The following TOP3A variants were observed in gnomAD, a reference collection of about 807,000 sequenced individuals.
TOP3A encodes DNA topoisomerase 3-alpha.
A neutral mutation model predicts 111.3 loss-of-function variants in TOP3A; 64 were observed. The observed-to-expected ratio is 0.57, with a 90% confidence interval of 0.47 to 0.71. The LOEUF (loss-of-function observed/expected upper bound fraction) is 0.71, where lower values mean the gene tolerates loss of function less well. TOP3A is among the 30% of genes least tolerant of loss of function. The probability of loss-of-function intolerance (pLI) is 0.00; values close to 1 mark genes in which losing one functional copy is unlikely to be tolerated. For synonymous variants in TOP3A, 484 were observed against 485.1 expected (o/e 1.00, Z 0.03); for missense variants, 1,104 against 1,285.0 (o/e 0.86, Z 2.15).
intron 18 of TOP3A, among the ~76,000 whole-genome samples, chr17:18,275,293 C>CAAAAAAAAA (rs538677203): frequency 1.6e-5 from 1 of 60,738 alleles, no homozygotes; most frequent in African/African-American, 6.1e-5. Context: ...GACCCTGTCT[C>CAAAAAAAAA]AAAAAAAAAA....
intron 9 of TOP3A, among the ~76,000 whole-genome samples, chr17:18,298,430 G>A (rs1309512122): frequency 2.1e-5 from 3 of 142,228 alleles, no homozygotes; most frequent in African/African-American, 5.5e-5. Context: ...GGAGGGAGGT[G>A]GGGGGGTCAG....
intron 9 of TOP3A, among the ~76,000 whole-genome samples, chr17:18,298,643 C>T (rs1251344088): frequency 2.0e-5 from 3 of 151,948 alleles, no homozygotes; most frequent in South Asian, 2.1e-4. Context: ...ATTGAGAAAT[C>T]GGATGGTTGC....
intron 8 of TOP3A, among the ~76,000 whole-genome samples, chr17:18,300,803 T>A (rs1182788806): frequency 1.3e-5 from 2 of 152,120 alleles, no homozygotes; most frequent in African/African-American, 2.4e-5. Context: ...TTGTACAGTG[T>A]CACAGAGACT....
intron 1 of TOP3A, among the ~76,000 whole-genome samples, chr17:18,314,107 CTG>C (rs72086371): frequency 0.026 from 3,924 of 152,252 alleles, 164 homozygotes; most frequent in African/African-American, 0.084. Context: ...TAAGTGTGCA[CTG>C]TGAGGCTGGA....
rs761829996 is a variant in TOP3A, at chr17:18,302,454, G to A, written c.644-20C>T. On this transcript the variant is annotated intron_variant, in intron 6 of 18. Transcript: ENST00000321105. ...CAGCTCCTGGAGAGTGAAGGAGAGT[G>A]AAGGAAGGTGAAAATGATGGATAAT... 6.3e-7 allele frequency: 1 copy of A among 1,597,488 alleles called. No individual in the cohort carries two copies. The highest frequency in any genetic ancestry group is 1.1e-5 in the South Asian group (1 of 89,704).
intron 18 of TOP3A, among the ~76,000 whole-genome samples, chr17:18,276,802 C>G (rs942373240): frequency 3.3e-5 from 5 of 152,228 alleles, no homozygotes; most frequent in African/African-American, 4.8e-5. Flanking sequence ...GGTGCCACTT[C>G]TCATGACACC....
chr17:18,280,580 C>T lies in TOP3A; in HGVS notation c.2100G>A (p.Arg700=), dbSNP rs567817986. 1 of 1,613,896 alleles carries T rather than the reference C, an allele frequency of 6.2e-7. No individual in the cohort carries two copies. Among genetic ancestry groups the T allele is most frequent in the East Asian group, 2.2e-5 (1 of 44,880 alleles). ...GACAAACTGGACACACACTGCTGTC[C>T]CTGCTGGCCTCCAGCACCGAGTCAG... The part of the protein sequence containing the change: ...WLPDSVLEAS[R]DSSVCPVCQP... Residue 700 remains arginine, a synonymous_variant, in exon 17 of 19, where the codon AGG becomes AGA. Transcript: ENST00000321105.
intron 13 of TOP3A, among the ~76,000 whole-genome samples, chr17:18,289,640 A>G (rs2386456): frequency 0.26 from 39,822 of 152,090 alleles, 5,583 homozygotes; most frequent in Non-Finnish European, 0.31. Context: ...TGATTCACCC[A>G]TCTTGGCCTC....
At chr17:18,275,421 G>A (rs1287851927) in intron 18 of TOP3A, among the ~76,000 whole-genome samples, 22 of 144,480 alleles carry the variant, frequency 1.5e-4, no homozygotes, top group East Asian at 4.1e-4. Context: ...GTGCAGTGGC[G>A]TGATCTCCAC....
At chr17:18,289,392 G>A (rs993049346) in intron 13 of TOP3A, among the ~76,000 whole-genome samples, 2 of 152,110 alleles carry the variant, frequency 1.3e-5, no homozygotes, top group African/African-American at 2.4e-5. Context: ...CCAGGCTGGA[G>A]TACAATGGCA....
At chr17:18,276,095 T>C (rs1979354713) in intron 18 of TOP3A, among the ~76,000 whole-genome samples, 1 of 152,184 alleles carries the variant, frequency 6.6e-6, no homozygotes, top group East Asian at 1.9e-4. Flanking sequence ...TCCTAAGCTT[T>C]GGAGACATTG....
At chr17:18,307,942 G>A (rs1458543729) in intron 3 of TOP3A, among the ~76,000 whole-genome samples, 1 of 147,694 alleles carries the variant, frequency 6.8e-6, no homozygotes, top group Non-Finnish European at 1.5e-5. Flanking sequence ...CGGGCATGGT[G>A]GCTCACGGTC....
Position 18,297,587 on chromosome 17 carries a change from T to G in TOP3A, c.990+1972A>C. Among the ~76,000 whole-genome samples, 2 of 152,186 alleles carry G rather than the reference T, an allele frequency of 1.3e-5. 1 individual carries two copies. Among genetic ancestry groups the G allele is most frequent in the Admixed American group, 1.3e-4 (2 of 15,286 alleles). ...GCAGGCGCGCGCCGCCACACCTGAC[T>G]GGTTTTCGTATTTTTTTGGTGGAGA... On this transcript the variant is annotated intron_variant, in intron 9 of 18. Coordinates refer to ENST00000321105, the MANE Select transcript of TOP3A (RefSeq NM_004618.5).
Position 18,314,712 on chromosome 17 carries a change from G to A in TOP3A, c.67C>T (p.Arg23Cys). ...CGGAGGGCCATCTCCATGGCGGCGCGGGAAAAGGCACGGTCTTCGGGCCGT... is the reference window on the plus strand; with the variant it reads ...CGGAGGGCCATCTCCATGGCGGCGCAGGAAAAGGCACGGTCTTCGGGCCGT... Reference protein sequence around the residue: ...LRRPEDRAFSRAAMEMALRGV... With the variant: ...LRRPEDRAFSCAAMEMALRGV... The change falls in exon 1 of 19, where the codon CGC (arginine) becomes TGC (cysteine). Residue 23 changes from arginine to cysteine, a missense_variant. Arg to Cys is a radical substitution (Grantham distance 180). Transcript: ENST00000321105. The A allele has an allele frequency of 1.2e-6, 2 of 1,605,604 alleles. No homozygotes were observed. Among genetic ancestry groups the A allele is most frequent in the East Asian group, 2.3e-5 (1 of 44,304 alleles).
At chr17:18,282,663 G>A (rs1186619919) in intron 16 of TOP3A, 35 bp downstream of exon 16, 1 of 1,611,640 alleles carries the variant, frequency 6.2e-7, no homozygotes, top group East Asian at 2.2e-5. Context: ...CAGGTGCTGG[G>A]GAGCAGAGGT....
rs766790202 is a variant in TOP3A, at chr17:18,278,236, G to T, written c.2266C>A (p.Pro756Thr). The change falls in exon 18 of 19, where the codon CCC becomes ACC. Residue 756 changes from proline (P) to threonine (T), a missense_variant. Transcript: ENST00000321105. ...EILDLRFSGG[P>T]PRASQPSGRL... is the part of the protein sequence containing the mutation. ...CCAGAGGGCTGGCTAGCCCTGGGGGGGCCCCCTGAAAATCTCAGGTCCAGG... is the reference window on the plus strand; with the variant it reads ...CCAGAGGGCTGGCTAGCCCTGGGGGTGCCCCCTGAAAATCTCAGGTCCAGG... 4 of 1,576,722 alleles carry T rather than the reference G, an allele frequency of 2.5e-6. No homozygotes were observed. In the South Asian group the frequency reaches 3.5e-5, roughly 14 times the overall value.
intron 10 of TOP3A, among the ~76,000 whole-genome samples, chr17:18,293,593 T>C (rs1004714192): frequency 6.8e-6 from 1 of 146,722 alleles, no homozygotes; most frequent in African/African-American, 2.5e-5. Context: ...AGTCTCTATT[T>C]GTAATTTTTG....
rs1282253602 is a variant in TOP3A at position 18,308,661 on chromosome 17, G to A, written c.240+221C>T. The stretch of plus-strand genomic sequence containing the variant: ...TCAGTTAAATTTTCCTCAAACTATT[G>A]TATATTAGCTTTTTTTTTTTGTAAT... On this transcript the variant is annotated intron_variant, in intron 2 of 18. Coordinates refer to ENST00000321105, the MANE Select transcript of TOP3A (RefSeq NM_004618.5). 1.1e-5 allele frequency: 5 copies of A among 466,146 alleles called. No individual in the cohort carries two copies. The East Asian group carries it at 1.7e-4, about 15-fold the overall frequency. 28.9% of individuals were successfully genotyped at this position (466,146 alleles called of 1,614,324 possible).
At position 18,274,621 on chromosome 17, in the gene TOP3A, C is replaced by A. The variant is rs1391263308; in HGVS notation, c.*181G>T. ...GGAAGAGGGTCACTGTCCAGCAGAG[C>A]TGGCCTGCTCCAGAGTGATCTGGAC... On this transcript the variant is annotated 3_prime_UTR_variant, in exon 19 of 19. Coordinates refer to ENST00000321105, the MANE Select transcript of TOP3A (RefSeq NM_004618.5). The A allele has an allele frequency of 6.7e-6, 7 of 1,047,312 alleles. No homozygotes were observed. Among genetic ancestry groups the A allele is most frequent in the Non-Finnish European group, 9.3e-6 (7 of 756,554 alleles). 64.9% of individuals were successfully genotyped at this position (1,047,312 alleles called of 1,614,324 possible). A position where few individuals can be genotyped will look rare whatever the true frequency, so the allele number is the denominator to read the frequency against.
Sources: gnomAD v4.1 joint callset for allele counts (sites outside exome capture counted in the v4.1 genomes callset) on GRCh38, gnomAD v4.1.1 for gene constraint, MANE v1.5 for transcripts, NCBI Gene and HGNC (gene_info 2026-07-23, HGNC 2026-07-21) for gene names.